The following WWP2 variants were observed in gnomAD, a reference collection of about 807,000 sequenced individuals.
The protein encoded by WWP2 is NEDD4-like E3 ubiquitin-protein ligase WWP2.
WWP2 carries 57 observed loss-of-function variants against 121.0 expected under a neutral mutation model. The ratio of observed to expected loss-of-function variants is 0.47; its 90% CI spans 0.38 to 0.59. The LOEUF (loss-of-function observed/expected upper bound fraction) is 0.59. WWP2 is among the 20% of genes least tolerant of loss of function. The pLI, the probability that WWP2 is intolerant of heterozygous loss-of-function variation, is 0.00. For synonymous variants in WWP2, 449 were observed against 441.3 expected (o/e 1.02, Z -0.22); for missense variants, 962 against 1,158.9 (o/e 0.83, Z 2.47).
At chr16:69,923,318 G>GGT (rs1312176644) in intron 10 of WWP2, among the ~76,000 whole-genome samples, 7 of 67,020 alleles carry the variant, frequency 1.0e-4, no homozygotes, top group African/African-American at 2.8e-4. Flanking sequence ...GTGTTGGGGG[G>GGT]GTGGGGGGGG....
At chr16:69,805,072 C>G (rs985695854) in intron 4 of WWP2, among the ~76,000 whole-genome samples, 2 of 150,822 alleles carry the variant, frequency 1.3e-5, no homozygotes, top group African/African-American at 4.9e-5. Flanking sequence ...TGGAGTCTCA[C>G]TCTGTCACCC....
Position 69,924,228 on chromosome 16 carries a change from G to A in WWP2, c.1180-1202G>A, listed in dbSNP as rs192769498. Among the ~76,000 whole-genome samples the A allele has an allele frequency of 3.4e-3, 522 of 152,252 alleles. 3 individuals carry two copies. The highest frequency in any genetic ancestry group is 0.012 in the African/African-American group (497 of 41,534). On this transcript the variant is annotated intron_variant, in intron 10 of 23. Transcript: ENST00000359154. ...CTCTGTCCTTTCAGCTGGGGGTGGA[G>A]GGAGGGCTGTGGAAGGGGGCTTGCT...
intron 13 of WWP2, among the ~76,000 whole-genome samples, chr16:69,930,707 A>T (rs1364951297): frequency 6.6e-6 from 1 of 152,062 alleles, no homozygotes; most frequent in Non-Finnish European, 1.5e-5. Flanking sequence ...TCTAAAAAAT[A>T]ATAATACATT....
At chr16:69,833,413 C>T (rs1455819766) in intron 4 of WWP2, among the ~76,000 whole-genome samples, 2 of 151,602 alleles carry the variant, frequency 1.3e-5, no homozygotes, top group Non-Finnish European at 2.9e-5. Context: ...TCTTTTTTTT[C>T]TCTGGTGTGG....
chr16:69,762,717 G>T (rs1012235165), intron 1 of WWP2, among the ~76,000 whole-genome samples: 1 of 152,332 alleles, frequency 6.6e-6, no homozygotes, highest in Admixed American at 6.5e-5. Flanking sequence ...CGATCTTTGT[G>T]GAGGGATCGG....
chr16:69,785,462 CATTTGGAAA>C, intron 1 of WWP2, among the ~76,000 whole-genome samples: 1 of 152,130 alleles, frequency 6.6e-6, no homozygotes. Context: ...AATGTGTCAA[CATTTGGAAA>C]ATCTGCAGAA....
At chr16:69,830,749 A>T (rs1320949807) in intron 4 of WWP2, among the ~76,000 whole-genome samples, 1 of 152,192 alleles carries the variant, frequency 6.6e-6, no homozygotes, top group Non-Finnish European at 1.5e-5. Flanking sequence ...GCTCTGGCTA[A>T]GGTTGGAAGC....
rs1171211931 is a variant in WWP2 at position 69,935,519 on chromosome 16, T to C, written c.1843-334T>C. ...GCAGCTGTTCAGAGCAAGCCTTTTCTGTGAGCGTGGGGCAGACCTTTGCTA... is the reference window on the plus strand; with the variant it reads ...GCAGCTGTTCAGAGCAAGCCTTTTCCGTGAGCGTGGGGCAGACCTTTGCTA... On this transcript the variant is annotated intron_variant, in intron 17 of 23. Coordinates refer to ENST00000359154, the MANE Select transcript of WWP2 (RefSeq NM_001270454.2). The surrounding 1 kb of genome is among the most constrained non-coding windows in gnomAD (Gnocchi z 5.2). 1.3e-5 allele frequency among the ~76,000 whole-genome samples: 2 copies of C among 152,362 alleles called. No homozygotes were observed. The highest frequency in any genetic ancestry group is 2.1e-4 in the South Asian group (1 of 4,832).
intron 1 of WWP2, among the ~76,000 whole-genome samples, chr16:69,785,842 G>C (rs991625414): frequency 1.3e-5 from 2 of 151,908 alleles, no homozygotes; most frequent in African/African-American, 4.8e-5. Context: ...GGCCAGGCTG[G>C]TCTTGAACTC....
intron 6 of WWP2, among the ~76,000 whole-genome samples, chr16:69,843,395 A>C (rs1466846118): frequency 1.3e-5 from 2 of 152,190 alleles, no homozygotes; most frequent in African/African-American, 4.8e-5. Flanking sequence ...AATAGTTCTA[A>C]GTATAAAGAG....
intron 1 of WWP2, among the ~76,000 whole-genome samples, chr16:69,775,931 T>G (rs2055516518): frequency 6.6e-6 from 1 of 152,254 alleles, no homozygotes; most frequent in African/African-American, 2.4e-5. Flanking sequence ...TGTTGGTATC[T>G]GAGGCTTCAA....
chr16:69,774,831 A>T (rs1473266451), intron 1 of WWP2: 1 of 152,204 alleles, frequency 6.6e-6, no homozygotes, highest in East Asian at 1.9e-4. Context: ...TTAGCCAGGC[A>T]TGGTGGCATG....
At chr16:69,867,839 C>T (rs2151911583) in intron 6 of WWP2, among the ~76,000 whole-genome samples, 1 of 152,296 alleles carries the variant, frequency 6.6e-6, no homozygotes, top group South Asian at 2.1e-4. Flanking sequence ...TCGTCCCCTC[C>T]CCCTAAATGG....
intron 6 of WWP2, among the ~76,000 whole-genome samples, chr16:69,854,811 A>T (rs1215721679): frequency 6.6e-6 from 1 of 152,150 alleles, no homozygotes; most frequent in African/African-American, 2.4e-5. Flanking sequence ...TTGGCCTCCC[A>T]AAGTGCTGGG....
chr16:69,763,944 G>C (rs78100281), intron 1 of WWP2, among the ~76,000 whole-genome samples: 2,197 of 152,324 alleles, frequency 0.014, 26 homozygotes, highest in Non-Finnish European at 0.022. Context: ...AGGCTCGAGA[G>C]AAAGGCTTGG....
intron 6 of WWP2, among the ~76,000 whole-genome samples, chr16:69,869,191 AG>A (rs2057585706): frequency 1.3e-5 from 2 of 152,136 alleles, no homozygotes; most frequent in Non-Finnish European, 2.9e-5. Flanking sequence ...TGCGGCCAAC[AG>A]CTTTTGATTT....
chr16:69,930,187 G>T lies in WWP2; in HGVS notation c.1374G>T (p.Gly458=). 6.2e-7 allele frequency: 1 copy of T among 1,613,954 alleles called. No homozygotes were observed. The highest frequency in any genetic ancestry group is 1.1e-5 in the South Asian group (1 of 91,032). ...GGGAGATGAAATACACCAGCGAGGG[G>T]GTGCGATACTTTGTGGACCACAATA... The part of the protein sequence containing the change: ...PGWEMKYTSE[G]VRYFVDHNTR... Residue 458 remains glycine (G), a synonymous_variant, in exon 13 of 24, where the codon GGG becomes GGT. Coordinates refer to ENST00000359154, the MANE Select transcript of WWP2 (RefSeq NM_001270454.2).
intron 1 of WWP2, among the ~76,000 whole-genome samples, chr16:69,771,168 C>T (rs991782886): frequency 6.6e-6 from 1 of 152,082 alleles, no homozygotes; most frequent in African/African-American, 2.4e-5. Flanking sequence ...TAAAAGTGAT[C>T]AGGTGCTTCA....
intron 6 of WWP2, among the ~76,000 whole-genome samples, chr16:69,870,080 T>C (rs1180589151): frequency 6.6e-6 from 1 of 152,196 alleles, no homozygotes; most frequent in East Asian, 1.9e-4. Context: ...TGTACATGAA[T>C]CTTTGCATCA....
Sources: gnomAD v4.1 joint callset for allele counts (sites outside exome capture counted in the v4.1 genomes callset) on GRCh38, gnomAD v4.1.1 for gene constraint, Gnocchi (gnomAD v3.1) non-coding constraint, MANE v1.5 for transcripts, NCBI Gene and HGNC (gene_info 2026-07-23, HGNC 2026-07-21) for gene names.